Variants in PEPD observed in about 807,000 individuals in gnomAD.
PEPD encodes the protein peptidase D, also known as xaa-Pro dipeptidase.
PEPD carries 53 observed loss-of-function variants against 60.7 expected under a neutral mutation model. The ratio of observed to expected loss-of-function variants is 0.87; its 90% CI spans 0.70 to 1.10. PEPD has a LOEUF of 1.10. Ranked by LOEUF, PEPD falls within the 50% of genes least tolerant of loss-of-function variation. The probability of loss-of-function intolerance (pLI) is 0.00; values close to 1 mark genes in which losing one functional copy is unlikely to be tolerated. For missense variants in PEPD, 711 were observed against 711.9 expected (o/e 1.00, Z 0.01); for synonymous variants, 267 against 284.1 (o/e 0.94, Z 0.60).
At chr19:33,453,439 TTC>T (rs1458084709) in intron 9 of PEPD, among the ~76,000 whole-genome samples, 5 of 152,266 alleles carry the variant, frequency 3.3e-5, no homozygotes, top group Non-Finnish European at 5.9e-5. Context: ...GTGCCTTGCT[TTC>T]TTTTTTTAGA....
At chr19:33,501,652 G>A (rs753499602) in intron 3 of PEPD, among the ~76,000 whole-genome samples, 2 of 152,154 alleles carry the variant, frequency 1.3e-5, no homozygotes, top group Non-Finnish European at 2.9e-5. Flanking sequence ...ACTCCAGCCT[G>A]AGTGACAGAG....
Position 33,416,067 on chromosome 19 carries a change from G to A in PEPD, c.672-2424C>T, listed in dbSNP as rs967394216. Among the ~76,000 whole-genome samples, 9 of 152,346 alleles carry A rather than the reference G, an allele frequency of 5.9e-5. No individual in the cohort carries two copies. The South Asian group carries it at 6.2e-4, about 11-fold the overall frequency. On this transcript the variant is annotated intron_variant, in intron 9 of 14. Coordinates refer to ENST00000244137, the MANE Select transcript of PEPD (RefSeq NM_000285.4). ...GGCGGCACAGGGGGCCTGTGGAAGC[G>A]TGTGAGCCCGGCGCGGCACAGTTCT...
At chr19:33,411,438 C>T (rs1452789014) in intron 11 of PEPD, among the ~76,000 whole-genome samples, 1 of 152,204 alleles carries the variant, frequency 6.6e-6, no homozygotes, top group East Asian at 1.9e-4. Context: ...TCGGGGGCCC[C>T]TCTCCTGCAC....
In PEPD at chr19:33,411,646, G is replaced by C. The variant is rs751499038; in HGVS notation, c.818+26C>G. On this transcript the variant is annotated intron_variant, in intron 11 of 14. Coordinates refer to ENST00000244137, the MANE Select transcript of PEPD (RefSeq NM_000285.4). ...ACCTTGGCCTGGCTGTTCACACACA[G>C]AGCCAGGGCCGCTGGCCCTACTTAC... is the stretch of plus-strand genomic sequence containing the variant. The C allele has an allele frequency of 1.9e-5, 27 of 1,396,576 alleles. No homozygotes were observed. In the Admixed American group the frequency reaches 2.4e-4, roughly 12 times the overall value. The allele number at this position is 1,396,576 out of a possible 1,614,324, so 86.5% of individuals were successfully genotyped here.
chr19:33,489,570 A>G (rs1229713803), intron 6 of PEPD, among the ~76,000 whole-genome samples: 3 of 151,954 alleles, frequency 2.0e-5, no homozygotes, highest in African/African-American at 7.3e-5. Flanking sequence ...TGGAGGTTGC[A>G]GTGAGCCAAG....
At chr19:33,388,472 A>C in intron 13 of PEPD, 3 of 369,972 alleles carry the variant, frequency 8.1e-6, no homozygotes, top group Non-Finnish European at 1.0e-5. Flanking sequence ...AAAAGCTCTT[A>C]AGGCGGCTGT....
chr19:33,455,902 T>C (rs891002809), intron 9 of PEPD, among the ~76,000 whole-genome samples: 1 of 152,162 alleles, frequency 6.6e-6, no homozygotes, highest in African/African-American at 2.4e-5. Flanking sequence ...ATTTCTAATA[T>C]GATTCTCCAG....
At chr19:33,498,152 T>C (rs1338214767) in intron 4 of PEPD, among the ~76,000 whole-genome samples, 1 of 152,114 alleles carries the variant, frequency 6.6e-6, no homozygotes, top group African/African-American at 2.4e-5. Context: ...GCGCTTGCTC[T>C]GCTGTCAACG....
intron 9 of PEPD, among the ~76,000 whole-genome samples, chr19:33,445,291 C>T (rs745455947): frequency 2.6e-5 from 4 of 152,200 alleles, no homozygotes; most frequent in African/African-American, 7.2e-5. Context: ...CACCAGGCCT[C>T]GTTTCTCCAG....
intron 9 of PEPD, among the ~76,000 whole-genome samples, chr19:33,429,533 C>T (rs1330489599): frequency 1.3e-5 from 2 of 152,188 alleles, no homozygotes; most frequent in Non-Finnish European, 2.9e-5. Context: ...AAACTATACA[C>T]AGCAGTGTTT....
At chr19:33,440,486 C>G (rs147407263) in intron 9 of PEPD, among the ~76,000 whole-genome samples, 207 of 152,276 alleles carry the variant, frequency 1.4e-3, no homozygotes, top group African/African-American at 4.8e-3. Context: ...CGTGGCCCTC[C>G]TCTGCTCGGC....
intron 13 of PEPD, chr19:33,388,974 G>C (rs539662601): frequency 2.6e-4 from 40 of 152,630 alleles, no homozygotes; most frequent in African/African-American, 9.4e-4. Context: ...GAGCCAGTGG[G>C]CACGAGTATG....
At chr19:33,491,267 T>C (rs891025780) in intron 5 of PEPD, among the ~76,000 whole-genome samples, 2 of 151,982 alleles carry the variant, frequency 1.3e-5, no homozygotes, top group Non-Finnish European at 2.9e-5. Flanking sequence ...CTGATCAACA[T>C]GGCGAAACCC....
At chr19:33,448,284 A>G (rs77383348) in intron 9 of PEPD, among the ~76,000 whole-genome samples, 4,841 of 152,230 alleles carry the variant, frequency 0.032, 144 homozygotes, top group East Asian at 0.077. Context: ...GCTGCTCCTC[A>G]CTAGATGCGC....
At chr19:33,467,866 C>G (rs1208295767) in intron 7 of PEPD, among the ~76,000 whole-genome samples, 1 of 152,156 alleles carries the variant, frequency 6.6e-6, no homozygotes, top group African/African-American at 2.4e-5. Flanking sequence ...AATGTCCATT[C>G]ATTCATTTCA....
rs371208618 is a variant in PEPD at position 33,413,034 on chromosome 19, C to A, written c.740+541G>T. Among the ~76,000 whole-genome samples the A allele has an allele frequency of 9.5e-4, 144 of 152,378 alleles. 1 individual carries two copies. Among genetic ancestry groups the A allele is most frequent in the South Asian group, 8.9e-3 (43 of 4,832 alleles). On this transcript the variant is annotated intron_variant, in intron 10 of 14. Transcript: ENST00000244137. Reference sequence around the variant, plus strand: ...GATGGCACACACCCAAGCGCACACACCCACACAGAGCCCTGCCCCTCGGCA... The same window carrying A: ...GATGGCACACACCCAAGCGCACACAACCACACAGAGCCCTGCCCCTCGGCA...
rs561524578 is a variant in PEPD, at chr19:33,458,380, T to A, written c.671+4615A>T. Among the ~76,000 whole-genome samples, 393 of 148,912 alleles carry A rather than the reference T, an allele frequency of 2.6e-3. 1 individual carries two copies. The highest frequency in any genetic ancestry group is 4.4e-3 in the Non-Finnish European group (299 of 67,296). On this transcript the variant is annotated intron_variant, in intron 9 of 14. Coordinates refer to ENST00000244137, the MANE Select transcript of PEPD (RefSeq NM_000285.4). Reference sequence around the variant, plus strand: ...ATGAGACGTGTGGTATGTAGGTGTGTGTGGCAAGTGATGTATGGTGTGTGT... The same window carrying A: ...ATGAGACGTGTGGTATGTAGGTGTGAGTGGCAAGTGATGTATGGTGTGTGT...
chr19:33,507,185 C>G (rs189023521), intron 3 of PEPD, among the ~76,000 whole-genome samples: 1 of 152,240 alleles, frequency 6.6e-6, no homozygotes, highest in African/African-American at 2.4e-5. Context: ...GGACGGAATG[C>G]GTTACAAAGG....
At chr19:33,470,279 AC>A (rs1213428938) in intron 7 of PEPD, among the ~76,000 whole-genome samples, 2 of 151,812 alleles carry the variant, frequency 1.3e-5, no homozygotes, top group Admixed American at 6.6e-5. Context: ...GGAAATGCAA[AC>A]CTTATCAGGC....
Sources: allele counts gnomAD v4.1 joint callset (sites outside exome capture counted in the v4.1 genomes callset), GRCh38; gene constraint gnomAD v4.1.1; transcripts MANE v1.5; gene names NCBI Gene and HGNC (gene_info 2026-07-23, HGNC 2026-07-21).